KIFC3: variants seen among roughly 807,000 people sequenced by gnomAD.
KIFC3 encodes the protein kinesin family member C3.
Under a neutral mutation model 101.8 loss-of-function variants are expected in KIFC3, and 60 were observed. That is an observed-to-expected ratio of 0.59 (90% confidence interval 0.48 to 0.73). The LOEUF (loss-of-function observed/expected upper bound fraction) is 0.73. Among genes scored for constraint, KIFC3 ranks in the 30% least tolerant of loss-of-function variants. The pLI is 0.00. For missense variants in KIFC3, 966 were observed against 1,137.1 expected (o/e 0.85, Z 2.16); for synonymous variants, 476 against 482.7 (o/e 0.99, Z 0.18).
At chr16:57,836,535 T>C (rs1262108577) in intron 1 of KIFC3, among the ~76,000 whole-genome samples, 10 of 152,174 alleles carry the variant, frequency 6.6e-5, no homozygotes, top group African/African-American at 2.4e-4. Context: ...AAGAAGGGAA[T>C]GAATGGTAGA....
At chr16:57,764,392 T>C (rs1555600804) in intron 11 of KIFC3, 145 bp from the exon 12 acceptor site, 1 of 616,106 alleles carries the variant, frequency 1.6e-6, no homozygotes. Context: ...CTCACAATGA[T>C]TCGTGACTCA....
At position 57,770,585 on chromosome 16, in the gene KIFC3, T is replaced by C; in HGVS notation, c.881A>G (p.Lys294Arg). The C allele has an allele frequency of 1.3e-6, 2 of 1,524,058 alleles. No homozygotes were observed. Among genetic ancestry groups the C allele is most frequent in the East Asian group, 2.5e-5 (1 of 39,490 alleles). 94.4% of individuals were successfully genotyped at this position (1,524,058 alleles called of 1,614,324 possible). The change falls in exon 7 of 20, where the codon AAG (lysine) becomes AGG (arginine). Residue 294 changes from lysine (K) to arginine (R), a missense_variant. Around this residue, in one of 2 missense-constraint regions of KIFC3, gnomAD observed 689 missense variants for 884.6 expected, o/e 0.78. Transcript: ENST00000445690. Reference sequence around the variant, plus strand: ...GCTCTGCAGCTGCTGTTCCATCTCCTTCAGCACCTGCCTCTGCATAGCCAC... The same window carrying C: ...GCTCTGCAGCTGCTGTTCCATCTCCCTCAGCACCTGCCTCTGCATAGCCAC... ...EQVAMQRQVL[K>R]EMEQQLQSSH...
At position 57,775,748 on chromosome 16, in the gene KIFC3, G is replaced by A. The variant is rs573030125; in HGVS notation, c.316-3460C>T. ...ACAAAGGGGCAGCAGGCACATGCCTGAGCCCAAGACACAGGACGGAGGAGA... is the reference window on the plus strand; with the variant it reads ...ACAAAGGGGCAGCAGGCACATGCCTAAGCCCAAGACACAGGACGGAGGAGA... On this transcript the variant is annotated intron_variant, in intron 3 of 19. Transcript: ENST00000445690. 72 of 985,676 alleles carry A rather than the reference G, an allele frequency of 7.3e-5. 1 individual carries two copies. In the African/African-American group the frequency reaches 1.2e-3, roughly 16 times the overall value. 61.1% of individuals were successfully genotyped at this position (985,676 alleles called of 1,614,324 possible). A position where few individuals can be genotyped will look rare whatever the true frequency, so the allele number is the denominator to read the frequency against.
chr16:57,791,373 G>T (rs1555620286), intron 3 of KIFC3, among the ~76,000 whole-genome samples: 1 of 152,228 alleles, frequency 6.6e-6, no homozygotes, highest in Non-Finnish European at 1.5e-5. Context: ...CAAAGGTTAC[G>T]CTATTTCTGG....
rs567011856 is a variant in KIFC3, at chr16:57,770,084, A to G, written c.940-129T>C. 4.3e-6 allele frequency: 5 copies of G among 1,160,572 alleles called. No individual in the cohort carries two copies. The South Asian group carries it at 6.2e-5, about 14-fold the overall frequency. The allele number at this position is 1,160,572 out of a possible 1,614,324, so 71.9% of individuals were successfully genotyped here. On this transcript the variant is annotated intron_variant, in intron 7 of 19. Transcript: ENST00000445690. ...CATGCACACACACATGTGCACACCC[A>G]GAGGGGCAGAATGGCCTTGTCTCCC...
At chr16:57,775,501 A>G (rs1317725204) in intron 3 of KIFC3, 1 of 988,468 alleles carries the variant, frequency 1.0e-6, no homozygotes, top group Non-Finnish European at 1.2e-6. Flanking sequence ...AGTTAGGGAA[A>G]ACAGGCAAGA....
chr16:57,787,085 AGAGT>A (rs1307475079), intron 3 of KIFC3, among the ~76,000 whole-genome samples: 1 of 152,210 alleles, frequency 6.6e-6, no homozygotes, highest in African/African-American at 2.4e-5. Context: ...GATCTGTTCT[AGAGT>A]GAGTGAGATC....
Position 57,771,556 on chromosome 16 carries a change from C to G in KIFC3, c.512G>C (p.Cys171Ser). The G allele has an allele frequency of 6.2e-7, 1 of 1,613,240 alleles. No homozygotes were observed. Among genetic ancestry groups the G allele is most frequent in the South Asian group, 1.1e-5 (1 of 91,036 alleles). Residue 171 changes from cysteine to serine, a missense_variant, in exon 5 of 20, where the codon TGT becomes TCT. Cys to Ser is a moderately radical substitution (Grantham distance 112). Around this residue, in one of 2 missense-constraint regions of KIFC3, gnomAD observed 277 missense variants for 252.5 expected, o/e 1.10. Transcript: ENST00000445690. ...CATTCTGCTCACCTGGCTGTGCTCA[C>G]AACCTGGGCAGGGACCTGCTGGCTT... The part of the protein sequence containing the change: ...RTKPAGPCPG[C>S]EHSQESAQLR...
Position 57,774,918 on chromosome 16 carries a change from C to A in KIFC3, c.316-2630G>T, listed in dbSNP as rs573313149. ...TTCCTCTTCAAAAGGTTGAAGTCTCCTTCCACGCCCCCTCCCTCCCCAGAA... is the reference window on the plus strand; with the variant it reads ...TTCCTCTTCAAAAGGTTGAAGTCTCATTCCACGCCCCCTCCCTCCCCAGAA... On this transcript the variant is annotated intron_variant, in intron 3 of 19. Coordinates refer to ENST00000445690, the MANE Select transcript of KIFC3 (RefSeq NM_001130100.2). The A allele has an allele frequency of 5.5e-6, 8 of 1,456,036 alleles. No individual in the cohort carries two copies. In the South Asian group the frequency reaches 1.1e-4, roughly 20 times the overall value. 90.2% of individuals were successfully genotyped at this position (1,456,036 alleles called of 1,614,324 possible).
intron 1 of KIFC3, among the ~76,000 whole-genome samples, chr16:57,851,570 CTT>C (rs11376679): frequency 9.0e-5 from 13 of 144,076 alleles, no homozygotes; most frequent in Admixed American, 1.4e-4. Flanking sequence ...TTCGTTCATT[CTT>C]TTTTTTTTTT....
Position 57,791,907 on chromosome 16 carries a change from T to A in KIFC3, c.315+3092A>T, listed in dbSNP as rs552748269. Among the ~76,000 whole-genome samples the A allele has an allele frequency of 5.9e-5, 9 of 152,294 alleles. No homozygotes were observed. The South Asian group carries it at 1.9e-3, about 32-fold the overall frequency. ...AGAAACTTTTGGTTCAGTTTTCAGA[T>A]GAATCACATAAGAAGGAACAAGAAA... On this transcript the variant is annotated intron_variant, in intron 3 of 19. Transcript: ENST00000445690.
intron 1 of KIFC3, among the ~76,000 whole-genome samples, chr16:57,823,904 G>A (rs369264796): frequency 4.3e-4 from 65 of 152,154 alleles, no homozygotes; most frequent in African/African-American, 1.5e-3. Flanking sequence ...TGGGATTACA[G>A]GTGTGAGCCA....
intron 1 of KIFC3, among the ~76,000 whole-genome samples, chr16:57,825,836 C>T (rs544701857): frequency 3.3e-5 from 5 of 152,112 alleles, no homozygotes; most frequent in Non-Finnish European, 7.3e-5. Context: ...TGTGCACCAC[C>T]ATGACTGGCT....
At chr16:57,857,416 C>A (rs1242981802) in intron 1 of KIFC3, among the ~76,000 whole-genome samples, 4 of 148,386 alleles carry the variant, frequency 2.7e-5, no homozygotes, top group Non-Finnish European at 5.9e-5. Flanking sequence ...TTTAATTATA[C>A]TTTAAATTCT....
intron 1 of KIFC3, among the ~76,000 whole-genome samples, chr16:57,811,773 G>A (rs1568076035): frequency 1.3e-5 from 2 of 151,772 alleles, no homozygotes; most frequent in Non-Finnish European, 2.9e-5. Flanking sequence ...AAAATTAGCC[G>A]GGCATGGTGG....
intron 1 of KIFC3, among the ~76,000 whole-genome samples, chr16:57,832,327 T>A (rs1407322631): frequency 2.9e-4 from 34 of 116,528 alleles, no homozygotes; most frequent in African/African-American, 1.2e-3. Context: ...GGCCCTTTTT[T>A]TTTTTTTTTT....
chr16:57,769,479 G>A lies in KIFC3; in HGVS notation c.1218+116C>T. ...AGTAAGTGTCATGGGGGGTGGGGCA[G>A]GGGCTGCTGTCTGAGCGGCTTTGTC... On this transcript the variant is annotated intron_variant, in intron 9 of 19. Coordinates refer to ENST00000445690, the MANE Select transcript of KIFC3 (RefSeq NM_001130100.2). The surrounding 1 kb of genome is among the most constrained non-coding windows in gnomAD (Gnocchi z 4.3). 1.5e-6 allele frequency: 2 copies of A among 1,330,244 alleles called. No individual in the cohort carries two copies. Among genetic ancestry groups the A allele is most frequent in the Non-Finnish European group, 2.0e-6 (2 of 977,044 alleles). 82.4% of individuals were successfully genotyped at this position (1,330,244 alleles called of 1,614,324 possible). A position where few individuals can be genotyped will look rare whatever the true frequency, so the allele number is the denominator to read the frequency against.
rs546366090 is a variant in KIFC3, at chr16:57,799,105, G to T, written c.-39-823C>A. On this transcript the variant is annotated intron_variant, in intron 1 of 19. Transcript: ENST00000445690. ...GCACCAGGTGGTGTGGGGAATGGAG[G>T]GGGGCAGAGAGCATTGGTCAGGGAT... Among the ~76,000 whole-genome samples, 6 of 152,318 alleles carry T rather than the reference G, an allele frequency of 3.9e-5. No individual in the cohort carries two copies. The South Asian group carries it at 1.0e-3, about 26-fold the overall frequency.
At position 57,761,116 on chromosome 16, in the gene KIFC3, T is replaced by C. The variant is rs2049799859; in HGVS notation, c.1928A>G (p.His643Arg). The change falls in exon 15 of 20, where the codon CAC becomes CGC. Residue 643 changes from histidine to arginine, a missense_variant. Transcript: ENST00000445690. ...RTTEFTNLNE[H>R]SSRSHALLIV... Reference sequence around the variant, plus strand: ...GAGCAGCGCGTGCGAGCGGGAGCTGTGCTCGTTCAGGTTGGTGAACTCGGT... The same window carrying C: ...GAGCAGCGCGTGCGAGCGGGAGCTGCGCTCGTTCAGGTTGGTGAACTCGGT... The C allele has an allele frequency of 1.9e-6, 3 of 1,613,984 alleles. No homozygotes were observed. The highest frequency in any genetic ancestry group is 2.5e-6 in the Non-Finnish European group (3 of 1,179,980).
Sources: allele counts gnomAD v4.1 joint callset (sites outside exome capture counted in the v4.1 genomes callset), GRCh38; gene constraint gnomAD v4.1.1; regional missense constraint gnomAD v4.1.1; non-coding constraint Gnocchi (gnomAD v3.1); transcripts MANE v1.5; gene names NCBI Gene and HGNC (gene_info 2026-07-23, HGNC 2026-07-21).